The following RTL4 variants were observed in gnomAD, a reference collection of about 807,000 sequenced individuals.
The protein encoded by RTL4 is retrotransposon Gag like 4.
A neutral mutation model predicts 5.3 loss-of-function variants in RTL4; 4 were observed. The ratio of observed to expected loss-of-function variants is 0.75; its 90% CI spans 0.37 to 1.72. RTL4 has a LOEUF of 1.72. RTL4 is among the 40% of genes most tolerant of loss of function. The probability of loss-of-function intolerance (pLI) is 0.04; values close to 1 mark genes in which losing one functional copy is unlikely to be tolerated. For synonymous variants in RTL4, 98 were observed against 87.3 expected, an observed-to-expected ratio of 1.12 and a Z score of -0.68; for missense variants, 260 against 227.1, an observed-to-expected ratio of 1.14 and a Z score of -0.93.
At chrX:112,112,788 A>G in the RTL4 span, among the ~76,000 whole-genome samples, 1 of 111,845 alleles carries the variant, frequency 8.9e-6, no homozygotes. Context: ...TTGGGGCAAG[A>G]CCATCCACGT....
At chrX:112,266,052 CCAT>C in the RTL4 span, among the ~76,000 whole-genome samples, 1 of 110,683 alleles carries the variant, frequency 9.0e-6, no homozygotes, top group Non-Finnish European at 1.9e-5. Context: ...AAGATAGCCA[CCAT>C]CAAGGACTTG....
At chrX:112,310,646 A>G in the RTL4 span, among the ~76,000 whole-genome samples, 14 of 61,896 alleles carry the variant, frequency 2.3e-4, no homozygotes, top group African/African-American at 1.0e-3. Context: ...TATTATATAT[A>G]TTTATATATA....
chrX:112,217,048 G>T, the RTL4 span, among the ~76,000 whole-genome samples: 1 of 111,897 alleles, frequency 8.9e-6, no homozygotes, highest in African/African-American at 3.3e-5. Context: ...ACATTCCTTG[G>T]CTAGAGGTTA....
At chrX:112,205,306 T>C in the RTL4 span, among the ~76,000 whole-genome samples, 1 of 111,527 alleles carries the variant, frequency 9.0e-6, no homozygotes, top group African/African-American at 3.3e-5. Context: ...ATTAAGGTTC[T>C]TATACAAGGT....
chrX:112,305,968 G>A, the RTL4 span, among the ~76,000 whole-genome samples: 1 of 111,447 alleles, frequency 9.0e-6, no homozygotes. Context: ...GGAGTAGCCC[G>A]TCCCTTCCTG....
chrX:112,432,999 C>T, the RTL4 span, among the ~76,000 whole-genome samples: 33 of 94,771 alleles, frequency 3.5e-4, no homozygotes, highest in East Asian at 1.1e-3. Context: ...ATCCTTTCCC[C>T]ATTTCTTGTT....
the RTL4 span, among the ~76,000 whole-genome samples, chrX:112,218,937 G>A: frequency 1.8e-5 from 2 of 111,729 alleles, no homozygotes; most frequent in African/African-American, 6.5e-5. Context: ...AAGGAAGTTT[G>A]CCTTCTTAAA....
At chrX:112,327,752 G>C in the RTL4 span, among the ~76,000 whole-genome samples, 39 of 111,483 alleles carry the variant, frequency 3.5e-4, no homozygotes, top group African/African-American at 6.8e-4. Flanking sequence ...AGGGCAGCCA[G>C]AGAGAAAGGT....
At chrX:112,134,520 C>A in the RTL4 span, among the ~76,000 whole-genome samples, 1 of 112,269 alleles carries the variant, frequency 8.9e-6, no homozygotes, top group South Asian at 3.7e-4. Flanking sequence ...CTAGAGTCTA[C>A]TTCCACTGAA....
At chrX:112,418,335 ACTC>A in the RTL4 span, among the ~76,000 whole-genome samples, 3 of 110,793 alleles carry the variant, frequency 2.7e-5, no homozygotes, top group Non-Finnish European at 5.7e-5. Context: ...TGACAAATCA[ACTC>A]CTCAACACTA....
chrX:112,287,078 G>T, the RTL4 span, among the ~76,000 whole-genome samples: 7 of 111,800 alleles, frequency 6.3e-5, no homozygotes, highest in African/African-American at 2.3e-4. Context: ...TTAGATGTGT[G>T]CAGGAAAAAC....
the RTL4 span, among the ~76,000 whole-genome samples, chrX:112,324,158 A>T: frequency 1.8e-5 from 2 of 112,353 alleles, no homozygotes; most frequent in Non-Finnish European, 3.8e-5. Flanking sequence ...TATTCTGGAC[A>T]TGTCATATAA....
At chrX:112,321,808 A>G in the RTL4 span, among the ~76,000 whole-genome samples, 1 of 111,491 alleles carries the variant, frequency 9.0e-6, no homozygotes, top group Non-Finnish European at 1.9e-5. Context: ...CTTTGAATCT[A>G]AATTCCACAT....
At chrX:112,302,234 C>T in the RTL4 span, among the ~76,000 whole-genome samples, 1 of 99,667 alleles carries the variant, frequency 1.0e-5, no homozygotes, top group Non-Finnish European at 2.0e-5. Context: ...GCACTCCAGC[C>T]TGGGCGACAG....
the RTL4 span, among the ~76,000 whole-genome samples, chrX:112,097,837 G>C: frequency 9.0e-6 from 1 of 111,531 alleles, no homozygotes; most frequent in Non-Finnish European, 1.9e-5. Context: ...TTTAACATTA[G>C]TGAGCTGGAA....
the RTL4 span, among the ~76,000 whole-genome samples, chrX:112,084,897 C>A: frequency 8.9e-6 from 1 of 112,281 alleles, no homozygotes; most frequent in Non-Finnish European, 1.9e-5. Flanking sequence ...GTTAAAATTT[C>A]TTTCTCTGCT....
the RTL4 span, among the ~76,000 whole-genome samples, chrX:112,338,788 G>T: frequency 2.7e-5 from 3 of 111,566 alleles, no homozygotes; most frequent in Non-Finnish European, 5.6e-5. Context: ...AGTTGAATGG[G>T]CAGGCCCCAA....
chrX:112,165,228 T>C, the RTL4 span, among the ~76,000 whole-genome samples: 5 of 112,438 alleles, frequency 4.4e-5, no homozygotes, highest in South Asian at 7.3e-4. Flanking sequence ...AGATGCACCA[T>C]TGATTTCAAA....
chrX:112,287,232 T>C, the RTL4 span, among the ~76,000 whole-genome samples: 1 of 111,240 alleles, frequency 9.0e-6, no homozygotes, highest in Non-Finnish European at 1.9e-5. Flanking sequence ...TAAAGAGAGG[T>C]CATTATTAAA....
Sources: allele counts gnomAD v4.1 joint callset (sites outside exome capture counted in the v4.1 genomes callset), GRCh38; gene constraint gnomAD v4.1.1; transcripts MANE v1.5; gene names NCBI Gene and HGNC (gene_info 2026-07-23, HGNC 2026-07-21).